Variants in CDH12 observed in about 807,000 individuals in gnomAD.
CDH12 encodes the protein cadherin-12.
CDH12 carries 41 observed loss-of-function variants against 74.1 expected under a neutral mutation model. The observed-to-expected ratio is 0.55, with a 90% CI of 0.43 to 0.72. The LOEUF (loss-of-function observed/expected upper bound fraction) is 0.72, where lower values mean the gene tolerates loss of function less well. Among genes scored for constraint, CDH12 ranks in the 30% least tolerant of loss-of-function variants. The pLI is 0.00. For missense variants in CDH12, 945 were observed against 977.2 expected (o/e 0.97, Z 0.44); for synonymous variants, 399 against 355.0 (o/e 1.12, Z -1.39).
intron 8 of CDH12, among the ~76,000 whole-genome samples, chr5:21,820,900 C>A (rs1748331853): frequency 6.6e-6 from 1 of 151,910 alleles, no homozygotes; most frequent in African/African-American, 2.4e-5. Context: ...ACCTGTACCA[C>A]ACAAATTGAG....
chr5:22,268,869 G>A (rs1313742392), intron 3 of CDH12, among the ~76,000 whole-genome samples: 1 of 151,960 alleles, frequency 6.6e-6, no homozygotes, highest in Non-Finnish European at 1.5e-5. Flanking sequence ...TTTACATTAG[G>A]CTAGGTGTGA....
At chr5:22,362,095 T>C (rs1403356115) in intron 3 of CDH12, among the ~76,000 whole-genome samples, 1 of 152,068 alleles carries the variant, frequency 6.6e-6, no homozygotes, top group African/African-American at 2.4e-5. Context: ...CTAATTAAAC[T>C]AAAGACCTTC....
intron 6 of CDH12, among the ~76,000 whole-genome samples, chr5:21,928,028 C>T (rs1579975462): frequency 6.6e-6 from 1 of 151,334 alleles, no homozygotes; most frequent in Admixed American, 6.6e-5. Context: ...GCCCAGATCT[C>T]GCCACTGTGC....
chr5:22,376,767 G>C (rs576505517), intron 3 of CDH12, among the ~76,000 whole-genome samples: 2 of 145,498 alleles, frequency 1.4e-5, no homozygotes, highest in African/African-American at 5.1e-5. Flanking sequence ...AAGTGATCCT[G>C]CCACCTCAGC....
intron 2 of CDH12, among the ~76,000 whole-genome samples, chr5:22,491,773 G>T (rs1746882756): frequency 6.6e-6 from 1 of 152,132 alleles, no homozygotes; most frequent in African/African-American, 2.4e-5. Flanking sequence ...GACAATTATT[G>T]TCTCACAATT....
intron 1 of CDH12, among the ~76,000 whole-genome samples, chr5:22,550,210 GTTCTTTGTTTTCTTCTCTACTCTA>G (rs1738507953): frequency 6.6e-6 from 1 of 151,600 alleles, no homozygotes; most frequent in African/African-American, 2.4e-5. Flanking sequence ...CTAGGACTTG[GTTCTTTGTTTTCTTCTCTACTCTA>G]TCTTCAAATC....
chr5:22,533,878 A>T (rs368561789), intron 1 of CDH12, among the ~76,000 whole-genome samples: 1 of 152,200 alleles, frequency 6.6e-6, no homozygotes, highest in Non-Finnish European at 1.5e-5. Flanking sequence ...ATATACACAG[A>T]CATAATATTT....
chr5:22,495,106 G>A (rs1747048825), intron 2 of CDH12, among the ~76,000 whole-genome samples: 1 of 152,034 alleles, frequency 6.6e-6, no homozygotes, highest in African/African-American at 2.4e-5. Context: ...AGACCCCACG[G>A]GTATACAGGA....
intron 1 of CDH12, among the ~76,000 whole-genome samples, chr5:22,743,462 G>A (rs988724527): frequency 1.3e-5 from 2 of 151,762 alleles, no homozygotes; most frequent in African/African-American, 4.8e-5. Context: ...ACATGGAAAT[G>A]GTCAAATGTG....
chr5:21,891,354 G>T, intron 6 of CDH12, among the ~76,000 whole-genome samples: 1 of 151,990 alleles, frequency 6.6e-6, no homozygotes, highest in East Asian at 1.9e-4. Flanking sequence ...CAACAAAGAA[G>T]TATTAACATT....
At chr5:22,782,349 G>A (rs532826099) in intron 1 of CDH12, among the ~76,000 whole-genome samples, 320 of 152,212 alleles carry the variant, frequency 2.1e-3, no homozygotes, top group Non-Finnish European at 3.2e-3. Flanking sequence ...GGATCATGGG[G>A]GTGGTTTCCC....
chr5:22,069,002 T>A (rs1166822858), intron 5 of CDH12, among the ~76,000 whole-genome samples: 1 of 152,156 alleles, frequency 6.6e-6, no homozygotes, highest in East Asian at 1.9e-4. Flanking sequence ...ACAGGTTGAT[T>A]ACACTTGATC....
intron 1 of CDH12, among the ~76,000 whole-genome samples, chr5:22,795,717 G>C (rs574898404): frequency 4.0e-4 from 60 of 151,782 alleles, no homozygotes; most frequent in Non-Finnish European, 5.2e-4. Context: ...TAACTAGCAA[G>C]AGCAGACTAT....
At chr5:21,829,081 G>A (rs1229861494) in intron 8 of CDH12, among the ~76,000 whole-genome samples, 1 of 152,078 alleles carries the variant, frequency 6.6e-6, no homozygotes, top group Non-Finnish European at 1.5e-5. Flanking sequence ...AGTCAGCTGA[G>A]GTCAGGAGTC....
intron 5 of CDH12, among the ~76,000 whole-genome samples, chr5:21,982,440 G>A (rs1038774439): frequency 1.3e-5 from 2 of 150,758 alleles, no homozygotes; most frequent in African/African-American, 2.4e-5. Flanking sequence ...TTTATATATC[G>A]ATATATAGAG....
chr5:22,017,328 A>G (rs1737667890), intron 5 of CDH12, among the ~76,000 whole-genome samples: 1 of 152,040 alleles, frequency 6.6e-6, no homozygotes, highest in Non-Finnish European at 1.5e-5. Context: ...GGAAAATCAA[A>G]CTGTTGCAAC....
intron 3 of CDH12, among the ~76,000 whole-genome samples, chr5:22,306,928 C>T (rs1738140202): frequency 6.6e-6 from 1 of 152,142 alleles, no homozygotes; most frequent in South Asian, 2.1e-4. Flanking sequence ...TGTAAAGTTT[C>T]TGTGAGTGTT....
chr5:22,340,754 T>TA (rs1739814873), intron 3 of CDH12, among the ~76,000 whole-genome samples: 1 of 152,228 alleles, frequency 6.6e-6, no homozygotes, highest in African/African-American at 2.4e-5. Flanking sequence ...AAAATACTTT[T>TA]ACTATCATGG....
intron 1 of CDH12, among the ~76,000 whole-genome samples, chr5:22,543,036 A>G (rs1738172466): frequency 6.6e-6 from 1 of 152,192 alleles, no homozygotes; most frequent in African/African-American, 2.4e-5. Flanking sequence ...AAATAAGGAA[A>G]AGAGCAATAA....
Sources: allele counts gnomAD v4.1 joint callset (sites outside exome capture counted in the v4.1 genomes callset), GRCh38; gene constraint gnomAD v4.1.1; transcripts MANE v1.5; gene names NCBI Gene and HGNC (gene_info 2026-07-23, HGNC 2026-07-21).